DOCK4: variants seen among roughly 807,000 people sequenced by gnomAD.
DOCK4 encodes the protein dedicator of cytokinesis 4.
DOCK4 carries 97 observed loss-of-function variants against 268.1 expected under a neutral mutation model. The ratio of observed to expected loss-of-function variants is 0.36; its 90% confidence interval spans 0.31 to 0.43. The LOEUF is 0.43. Among genes scored for constraint, DOCK4 ranks in the 20% least tolerant of loss-of-function variants. DOCK4 has a pLI of 1.00. For missense variants in DOCK4, 2,145 were observed against 2,455.7 expected (o/e 0.87, Z 2.67); for synonymous variants, 954 against 887.2 (o/e 1.08, Z -1.34).
chr7:111,788,205 TATTA>T (rs1049232777), intron 32 of DOCK4, among the ~76,000 whole-genome samples: 5 of 152,224 alleles, frequency 3.3e-5, no homozygotes, highest in African/African-American at 7.2e-5. Flanking sequence ...GAACAATCAG[TATTA>T]ATTAATTAAA....
In DOCK4 at chr7:111,896,060, G is replaced by C. The variant is rs1808722907; in HGVS notation, c.1481-342C>G. On this transcript the variant is annotated intron_variant, in intron 15 of 52. Transcript: ENST00000428084. ...TGTTTATTGTTTCAAAGAGTGCTAG[G>C]AACATAGTAGGTGCTTAATAAATAT... 2.0e-5 allele frequency among the ~76,000 whole-genome samples: 3 copies of C among 152,130 alleles called. No homozygotes were observed. The South Asian group carries it at 6.2e-4, about 32-fold the overall frequency.
intron 12 of DOCK4, among the ~76,000 whole-genome samples, chr7:111,934,881 A>C (rs1357588673): frequency 6.6e-6 from 1 of 150,640 alleles, no homozygotes; most frequent in Non-Finnish European, 1.5e-5. Flanking sequence ...ATTGCTATTT[A>C]TCAAACTTAT....
At chr7:111,936,481 T>TATGAATGA (rs201902114) in intron 11 of DOCK4, among the ~76,000 whole-genome samples, 1 of 145,552 alleles carries the variant, frequency 6.9e-6, no homozygotes, top group Admixed American at 6.7e-5. Flanking sequence ...CTGTCAGTGG[T>TATGAATGA]ATGAATGGAT....
intron 11 of DOCK4, among the ~76,000 whole-genome samples, chr7:111,936,205 C>A (rs996156332): frequency 6.6e-6 from 1 of 152,188 alleles, no homozygotes; most frequent in Admixed American, 6.5e-5. Flanking sequence ...TTGACATTAA[C>A]ACAGCTTGTA....
intron 1 of DOCK4, among the ~76,000 whole-genome samples, chr7:112,053,715 A>C (rs1329983928): frequency 6.6e-6 from 1 of 151,994 alleles, no homozygotes; most frequent in African/African-American, 2.4e-5. Flanking sequence ...ACCTTTCAAA[A>C]CCAGCTATGT....
At chr7:111,916,901 C>T (rs1342350605) in intron 12 of DOCK4, among the ~76,000 whole-genome samples, 1 of 151,270 alleles carries the variant, frequency 6.6e-6, no homozygotes, top group Non-Finnish European at 1.5e-5. Context: ...GATTTTGGTG[C>T]ACCCATCACC....
intron 50 of DOCK4, among the ~76,000 whole-genome samples, chr7:111,735,617 TATCTC>T (rs1795421128): frequency 6.6e-6 from 1 of 152,246 alleles, no homozygotes. Flanking sequence ...CATGCAATAT[TATCTC>T]ATTGATAACT....
chr7:111,791,145 C>T (rs942991745), intron 30 of DOCK4, among the ~76,000 whole-genome samples: 3 of 144,048 alleles, frequency 2.1e-5, no homozygotes, highest in African/African-American at 5.3e-5. Context: ...TGTATATGCA[C>T]ACATTAAAAT....
intron 42 of DOCK4, 62 bp from the exon 43 acceptor site, chr7:111,747,505 T>C (rs971557746): frequency 1.4e-6 from 2 of 1,465,974 alleles, no homozygotes; most frequent in African/African-American, 1.4e-5. Flanking sequence ...AAAGACAAAG[T>C]AGTTTATCCA....
chr7:111,765,111 T>A lies in DOCK4; in HGVS notation c.4020+7A>T, dbSNP rs1382136598. On this transcript the variant is annotated splice_region_variant and intron_variant, in intron 39 of 52. Transcript: ENST00000428084. ...TGTGAAAGCAAATTAAATAGTATAT[T>A]ACTTACTCTTAAGAAAAATGGAAAT... 7.1e-7 allele frequency: 1 copy of A among 1,415,540 alleles called. No homozygotes were observed. The highest frequency in any genetic ancestry group is 9.6e-7 in the Non-Finnish European group (1 of 1,043,552). 87.7% of individuals were successfully genotyped at this position (1,415,540 alleles called of 1,614,324 possible).
chr7:112,120,495 T>C (rs964623428), intron 1 of DOCK4, among the ~76,000 whole-genome samples: 2 of 152,172 alleles, frequency 1.3e-5, no homozygotes, highest in Admixed American at 6.5e-5. Flanking sequence ...AATCAGACAC[T>C]AAAACCCCTA....
chr7:112,167,755 CTTGA>C (rs1236879798), intron 1 of DOCK4, among the ~76,000 whole-genome samples: 9 of 152,070 alleles, frequency 5.9e-5, no homozygotes, highest in African/African-American at 2.2e-4. Flanking sequence ...CAGTACATGC[CTTGA>C]TTGTTTCTTA....
rs77071297 is a variant in DOCK4, at chr7:112,013,378, G to A, written c.38-9247C>T. Among the ~76,000 whole-genome samples, 1,259 of 152,248 alleles carry A rather than the reference G, an allele frequency of 8.3e-3. 4 individuals carry two copies. The highest frequency in any genetic ancestry group is 0.013 in the Admixed American group (196 of 15,294). On this transcript the variant is annotated intron_variant, in intron 1 of 52. Coordinates refer to ENST00000428084, the MANE Select transcript of DOCK4 (RefSeq NM_001363540.2). Reference sequence around the variant, plus strand: ...TTTTGAACAAATACCAATTTTTACCGGCTCTGGCCATTGACACCTAGTCAA... The same window carrying A: ...TTTTGAACAAATACCAATTTTTACCAGCTCTGGCCATTGACACCTAGTCAA...
intron 42 of DOCK4, among the ~76,000 whole-genome samples, chr7:111,750,878 T>C (rs1796591827): frequency 6.6e-6 from 1 of 152,130 alleles, no homozygotes. Flanking sequence ...TATCCATGAG[T>C]TACTAATGAT....
intron 1 of DOCK4, among the ~76,000 whole-genome samples, chr7:112,010,827 C>T (rs972309743): frequency 5.9e-5 from 9 of 152,144 alleles, no homozygotes; most frequent in African/African-American, 1.7e-4. Flanking sequence ...TTGTTTCTGA[C>T]GTATTAAAAG....
intron 1 of DOCK4, among the ~76,000 whole-genome samples, chr7:112,034,181 C>G (rs1330631649): frequency 6.6e-6 from 1 of 152,166 alleles, no homozygotes; most frequent in Non-Finnish European, 1.5e-5. Context: ...TACAATGAAC[C>G]AGGTAACCAT....
chr7:111,935,739 G>T, intron 11 of DOCK4, 111 bp from the exon 12 acceptor site: 1 of 894,272 alleles, frequency 1.1e-6, no homozygotes, highest in Non-Finnish European at 1.7e-6. Context: ...ACCTCCTTGA[G>T]GTCCCCATCA....
At chr7:111,994,396 G>A (rs1021118773) in intron 4 of DOCK4, among the ~76,000 whole-genome samples, 165 bp from the exon 5 acceptor site, 1 of 152,182 alleles carries the variant, frequency 6.6e-6, no homozygotes, top group African/African-American at 2.4e-5. Context: ...TGCTACATGG[G>A]TTGTGGTAGG....
intron 36 of DOCK4, among the ~76,000 whole-genome samples, chr7:111,774,328 C>T (rs976239763): frequency 6.6e-6 from 1 of 151,980 alleles, no homozygotes; most frequent in Non-Finnish European, 1.5e-5. Flanking sequence ...TTTAGCTGGG[C>T]ATGGTGGCAG....
Sources: gnomAD v4.1 joint callset for allele counts (sites outside exome capture counted in the v4.1 genomes callset) on GRCh38, gnomAD v4.1.1 for gene constraint, MANE v1.5 for transcripts, NCBI Gene and HGNC (gene_info 2026-07-23, HGNC 2026-07-21) for gene names.